Variants in SARDH observed in about 807,000 individuals in gnomAD.
The protein encoded by SARDH is sarcosine dehydrogenase, also known as sarcosine dehydrogenase, mitochondrial.
In SARDH, 95 loss-of-function variants were observed where a neutral mutation model predicts 109.1. The observed-to-expected ratio is 0.87, with a 90% confidence interval of 0.74 to 1.03. The LOEUF (loss-of-function observed/expected upper bound fraction) is 1.03. Ranked by LOEUF, SARDH falls within the 50% of genes least tolerant of loss-of-function variation. SARDH has a pLI of 0.00. For synonymous variants in SARDH, 572 were observed against 534.8 expected (o/e 1.07, Z -0.96); for missense variants, 1,267 against 1,287.8 (o/e 0.98, Z 0.25).
intron 17 of SARDH, among the ~76,000 whole-genome samples, chr9:133,675,349 T>TAA (rs34271750): frequency 2.4e-4 from 35 of 145,338 alleles, no homozygotes; most frequent in East Asian, 8.1e-4. Context: ...AGACTCCATT[T>TAA]AAAAAAAAAA....
intron 6 of SARDH, among the ~76,000 whole-genome samples, chr9:133,723,274 A>C (rs577326451): frequency 1.3e-5 from 2 of 152,348 alleles, no homozygotes; most frequent in South Asian, 4.1e-4. Context: ...GAAGAAATTA[A>C]ATAGCTGACC....
chr9:133,700,189 T>C (rs899023452), intron 13 of SARDH, among the ~76,000 whole-genome samples: 3 of 152,154 alleles, frequency 2.0e-5, no homozygotes, highest in Non-Finnish European at 4.4e-5. Context: ...TAGTTGGTCA[T>C]GTTGGCCTGT....
Position 133,712,834 on chromosome 9 carries a change from C to T in SARDH, c.1238-125G>A. 1.0e-6 allele frequency: 1 copy of T among 980,384 alleles called. No individual in the cohort carries two copies. The highest frequency in any genetic ancestry group is 1.5e-6 in the Non-Finnish European group (1 of 653,340). 60.7% of individuals were successfully genotyped at this position (980,384 alleles called of 1,614,324 possible). On this transcript the variant is annotated intron_variant, in intron 9 of 20. Coordinates refer to ENST00000439388, the MANE Select transcript of SARDH (RefSeq NM_001134707.2). The surrounding 1 kb of genome is among the most constrained non-coding windows in gnomAD (Gnocchi z 4.1). ...AAGCTCTGCTCTCACACCTGGGGTGCTGCACGCCTCCTGATTGGACTGCTG... is the reference window on the plus strand; with the variant it reads ...AAGCTCTGCTCTCACACCTGGGGTGTTGCACGCCTCCTGATTGGACTGCTG...
chr9:133,710,495 T>C (rs1831877649), intron 10 of SARDH, among the ~76,000 whole-genome samples: 1 of 152,234 alleles, frequency 6.6e-6, no homozygotes, highest in Admixed American at 6.5e-5. Context: ...CCCCTCGCTG[T>C]GCGTGTCTCC....
At chr9:133,726,805 C>T (rs1832509306) in intron 6 of SARDH, among the ~76,000 whole-genome samples, 1 of 152,216 alleles carries the variant, frequency 6.6e-6, no homozygotes. Flanking sequence ...GAAGCGCCAG[C>T]TGGTGACGAC....
chr9:133,669,671 C>G (rs373206460), intron 19 of SARDH, among the ~76,000 whole-genome samples: 3 of 152,310 alleles, frequency 2.0e-5, no homozygotes, highest in African/African-American at 7.2e-5. Context: ...CGCCCCCAGG[C>G]AGAGTCTCTC....
chr9:133,663,071 C>T (rs896366371), downstream of SARDH, among the ~76,000 whole-genome samples: 8 of 152,184 alleles, frequency 5.3e-5, no homozygotes, highest in Admixed American at 2.0e-4. Flanking sequence ...GGGCAGGAAC[C>T]GCGTCCAAAT....
At chr9:133,719,979 C>T (rs181586759) in intron 6 of SARDH, among the ~76,000 whole-genome samples, 18 of 151,648 alleles carry the variant, frequency 1.2e-4, no homozygotes, top group Admixed American at 7.9e-4. Flanking sequence ...GGCGTGGTGG[C>T]GGGCGCCTGT....
intron 2 of SARDH, among the ~76,000 whole-genome samples, chr9:133,733,389 C>T (rs2131513040): frequency 6.6e-6 from 1 of 152,320 alleles, no homozygotes; most frequent in Admixed American, 6.5e-5. Context: ...GACATGCACA[C>T]CATAGGTGCT....
intron 17 of SARDH, among the ~76,000 whole-genome samples, chr9:133,672,124 C>T (rs910346495): frequency 6.6e-6 from 1 of 152,224 alleles, no homozygotes; most frequent in Non-Finnish European, 1.5e-5. Context: ...CTTCCACTCT[C>T]GAGGGAGCCT....
intron 16 of SARDH, among the ~76,000 whole-genome samples, chr9:133,688,093 A>G (rs1282177685): frequency 6.6e-6 from 1 of 152,132 alleles, no homozygotes; most frequent in Non-Finnish European, 1.5e-5. Flanking sequence ...TCCCTGTCCA[A>G]GGCTGGCGTG....
Position 133,696,311 on chromosome 9 carries a change from C to T in SARDH, c.1719G>A (p.Met573Ile). The T allele has an allele frequency of 1.2e-6, 2 of 1,614,218 alleles. No homozygotes were observed. Among genetic ancestry groups the T allele is most frequent in the Non-Finnish European group, 1.7e-6 (2 of 1,180,046 alleles). The change falls in exon 14 of 21, where the codon ATG becomes ATA. Residue 573 changes from methionine to isoleucine, a missense_variant. Transcript: ENST00000439388. ...ACRGAAAVFD[M>I]SYFGKFYLVG... is the part of the protein sequence containing the mutation. ...CCAGGTAGAACTTCCCGAAGTAGGA[C>T]ATGTCAAACACAGCGGCGGCCCCTC... is the stretch of plus-strand genomic sequence containing the variant.
At chr9:133,702,577 C>T (rs1831527162) in intron 13 of SARDH, among the ~76,000 whole-genome samples, 1 of 152,212 alleles carries the variant, frequency 6.6e-6, no homozygotes, top group Admixed American at 6.5e-5. Flanking sequence ...TCATGCCAGC[C>T]TCGGCGCAGC....
At chr9:133,705,607 AC>A (rs1231799174) in intron 11 of SARDH, among the ~76,000 whole-genome samples, 1 of 138,586 alleles carries the variant, frequency 7.2e-6, no homozygotes, top group Non-Finnish European at 1.6e-5. Context: ...CATCCTGAGA[AC>A]CCCCAGCTAC....
chr9:133,701,964 C>T (rs1404152790), intron 13 of SARDH, among the ~76,000 whole-genome samples: 1 of 152,222 alleles, frequency 6.6e-6, no homozygotes, highest in Admixed American at 6.5e-5. Flanking sequence ...AGGCAACGGA[C>T]GACCGCAGGG....
chr9:133,710,818 G>T (rs1831891020), intron 10 of SARDH, among the ~76,000 whole-genome samples: 1 of 152,264 alleles, frequency 6.6e-6, no homozygotes, highest in Non-Finnish European at 1.5e-5. Flanking sequence ...ACACTGAAGG[G>T]GTTTGGAAGC....
At chr9:133,664,900 C>T (rs1425811255) in intron 20 of SARDH, among the ~76,000 whole-genome samples, 1 of 152,140 alleles carries the variant, frequency 6.6e-6, no homozygotes, top group Non-Finnish European at 1.5e-5. Context: ...CACGGGCATG[C>T]ACAACTCAAA....
chr9:133,730,071 GT>G lies in SARDH; in HGVS notation c.806del (p.Asn269ThrfsTer125), dbSNP rs763291872. The G allele has an allele frequency of 3.5e-5, 57 of 1,614,180 alleles. No homozygotes were observed. The highest frequency in any genetic ancestry group is 4.8e-5 in the Non-Finnish European group (57 of 1,180,026). On this transcript the variant is annotated frameshift_variant, in exon 5 of 21. Coordinates refer to ENST00000439388, the MANE Select transcript of SARDH (RefSeq NM_001134707.2). LOFTEE classifies it high-confidence loss of function. ...GAGAAATGCCACTCGCACCTGCACA[GT>G]TGACCACGCAGGGTGTCTGGATGGA... ...HGSIQTPCVV[N>X]CAGVWASAVG... is the part of the protein sequence containing the mutation.
chr9:133,708,224 G>T, intron 11 of SARDH, 63 bp downstream of exon 11: 1 of 1,538,438 alleles, frequency 6.5e-7, no homozygotes, highest in African/African-American at 1.4e-5. Flanking sequence ...CTGTCACTCC[G>T]CTGCCCTGAG....
Sources: gnomAD v4.1 joint callset for allele counts (sites outside exome capture counted in the v4.1 genomes callset) on GRCh38, gnomAD v4.1.1 for gene constraint, Gnocchi (gnomAD v3.1) non-coding constraint, MANE v1.5 for transcripts, NCBI Gene and HGNC (gene_info 2026-07-23, HGNC 2026-07-21) for gene names.